The following SLAIN1 variants were observed in gnomAD, a reference collection of about 807,000 sequenced individuals.
SLAIN1 encodes SLAIN motif-containing protein 1.
A neutral mutation model predicts 55.4 loss-of-function variants in SLAIN1; 17 were observed. The ratio of observed to expected loss-of-function variants is 0.31; its 90% CI spans 0.21 to 0.46. The LOEUF is 0.46. Among genes scored for constraint, SLAIN1 ranks in the 20% least tolerant of loss-of-function variants. The probability of loss-of-function intolerance (pLI) is 1.00; values close to 1 mark genes in which losing one functional copy is unlikely to be tolerated. For missense variants in SLAIN1, 682 were observed against 785.1 expected (o/e 0.87, Z 1.57); for synonymous variants, 348 against 337.4 (o/e 1.03, Z -0.35).
chr13:77,750,065 G>A (rs983147140), intron 4 of SLAIN1, among the ~76,000 whole-genome samples: 1 of 152,076 alleles, frequency 6.6e-6, no homozygotes, highest in Non-Finnish European at 1.5e-5. Flanking sequence ...TTGTTAATTT[G>A]TTTACATGTG....
chr13:77,698,832 T>C lies in SLAIN1; in HGVS notation c.626+293T>C. On this transcript the variant is annotated intron_variant, in intron 1 of 6. Transcript: ENST00000418532. The surrounding 1 kb of genome is among the most constrained non-coding windows in gnomAD (Gnocchi z 4.1). ...ATTTGCTGATTGTTGGGTCCCAAGCTCCTCGTTAGCATTAAGTGCAAAATC... is the reference window on the plus strand; with the variant it reads ...ATTTGCTGATTGTTGGGTCCCAAGCCCCTCGTTAGCATTAAGTGCAAAATC... 6.8e-7 allele frequency: 1 copy of C among 1,470,376 alleles called. No homozygotes were observed. Among genetic ancestry groups the C allele is most frequent in the African/African-American group, 1.4e-5 (1 of 71,660 alleles). The allele number at this position is 1,470,376 out of a possible 1,614,324, so 91.1% of individuals were successfully genotyped here. A position where few individuals can be genotyped will look rare whatever the true frequency, so the allele number is the denominator to read the frequency against.
chr13:77,759,188 T>C (rs989572088), intron 5 of SLAIN1, among the ~76,000 whole-genome samples: 2 of 152,028 alleles, frequency 1.3e-5, no homozygotes, highest in Non-Finnish European at 2.9e-5. Flanking sequence ...TTATTTTTTA[T>C]AGATGTTGTA....
intron 1 of SLAIN1, among the ~76,000 whole-genome samples, chr13:77,699,449 A>AG (rs918116650): frequency 2.0e-5 from 3 of 152,150 alleles, no homozygotes; most frequent in African/African-American, 4.8e-5. Flanking sequence ...GAGTAACTTT[A>AG]GGGGGAGGCT....
At chr13:77,728,752 T>C (rs1388566897) in intron 2 of SLAIN1, among the ~76,000 whole-genome samples, 2 of 152,208 alleles carry the variant, frequency 1.3e-5, no homozygotes, top group Non-Finnish European at 2.9e-5. Flanking sequence ...CAGATTGAAC[T>C]GAGACATTAA....
intron 4 of SLAIN1, among the ~76,000 whole-genome samples, chr13:77,752,054 G>A (rs1326686266): frequency 6.6e-6 from 1 of 152,004 alleles, no homozygotes; most frequent in Admixed American, 6.6e-5. Flanking sequence ...CCTCTTGGTG[G>A]CAGAAGATGA....
chr13:77,719,009 A>G (rs181735449), intron 1 of SLAIN1, among the ~76,000 whole-genome samples: 4 of 152,262 alleles, frequency 2.6e-5, no homozygotes, highest in Non-Finnish European at 5.9e-5. Flanking sequence ...GTTAGTATAG[A>G]TTTGAGACAG....
intron 2 of SLAIN1, among the ~76,000 whole-genome samples, chr13:77,722,972 G>A (rs1364440998): frequency 6.6e-6 from 1 of 152,076 alleles, no homozygotes; most frequent in Non-Finnish European, 1.5e-5. Context: ...GGTCTTGAAT[G>A]CCTGATCTCA....
intron 1 of SLAIN1, among the ~76,000 whole-genome samples, chr13:77,705,580 CA>C (rs1173960005): frequency 1.3e-5 from 2 of 150,990 alleles, no homozygotes; most frequent in African/African-American, 4.9e-5. Flanking sequence ...ATTCTAATGA[CA>C]TTGAATAAAG....
intron 1 of SLAIN1, among the ~76,000 whole-genome samples, chr13:77,708,482 G>A (rs937975228): frequency 2.0e-5 from 3 of 152,196 alleles, no homozygotes; most frequent in Non-Finnish European, 1.5e-5. Context: ...TTCTCCAGCA[G>A]GGGTTGACAG....
At chr13:77,700,409 C>A (rs561711369) in intron 1 of SLAIN1, among the ~76,000 whole-genome samples, 110 of 152,218 alleles carry the variant, frequency 7.2e-4, no homozygotes, top group Middle Eastern at 6.8e-3. Flanking sequence ...TTTCTAGAGA[C>A]AAATGGCAGA....
chr13:77,761,848 TA>T (rs983785979), intron 6 of SLAIN1, among the ~76,000 whole-genome samples: 1 of 152,002 alleles, frequency 6.6e-6, no homozygotes, highest in African/African-American at 2.4e-5. Context: ...TAAAAATCCA[TA>T]AAAGTGGTTT....
At position 77,719,505 on chromosome 13, in the gene SLAIN1, C is replaced by G. The variant is rs752513499; in HGVS notation, c.627-27C>G. ...GTACTCTCTGTATACCTATATCATA[C>G]CTATAATGTAGATTTCTTTTTTTAA... On this transcript the variant is annotated intron_variant, in intron 1 of 6. Coordinates refer to ENST00000418532, the MANE Select transcript of SLAIN1 (RefSeq NM_001242868.2). 3 of 1,575,632 alleles carry G rather than the reference C, an allele frequency of 1.9e-6. No individual in the cohort carries two copies. The African/African-American group carries it at 4.1e-5, about 21-fold the overall frequency.
chr13:77,730,224 G>GA (rs1432953140), intron 2 of SLAIN1, among the ~76,000 whole-genome samples: 6 of 152,122 alleles, frequency 3.9e-5, no homozygotes, highest in Admixed American at 1.3e-4. Flanking sequence ...TAAAATGGTT[G>GA]AAAAACCTTT....
Position 77,698,965 on chromosome 13 carries a change from T to C in SLAIN1, c.626+426T>C. On this transcript the variant is annotated intron_variant, in intron 1 of 6. Coordinates refer to ENST00000418532, the MANE Select transcript of SLAIN1 (RefSeq NM_001242868.2). This position sits in a 1 kb window ranked among gnomAD's most constrained non-coding sequence, Gnocchi z 4.1. ...TCTGTCTGCGACTGTTACTGTTCTT[T>C]CGTTTTAAACGAACGCTGGACAGGA... is the stretch of plus-strand genomic sequence containing the variant. 1 of 1,534,432 alleles carries C rather than the reference T, an allele frequency of 6.5e-7. No individual in the cohort carries two copies. The highest frequency in any genetic ancestry group is 8.7e-7 in the Non-Finnish European group (1 of 1,146,778).
chr13:77,762,304 T>C (rs965411654), intron 6 of SLAIN1, among the ~76,000 whole-genome samples: 3 of 152,220 alleles, frequency 2.0e-5, no homozygotes, highest in African/African-American at 7.2e-5. Context: ...GTCTCCAAAC[T>C]AAACTCTTGG....
intron 1 of SLAIN1, among the ~76,000 whole-genome samples, chr13:77,700,393 C>T (rs1196737000): frequency 1.3e-5 from 2 of 152,106 alleles, no homozygotes; most frequent in Non-Finnish European, 2.9e-5. Flanking sequence ...TGATGCTTTA[C>T]AAATGTTTCT....
At chr13:77,751,649 G>A (rs1356280509) in intron 4 of SLAIN1, among the ~76,000 whole-genome samples, 2 of 152,224 alleles carry the variant, frequency 1.3e-5, no homozygotes, top group Non-Finnish European at 2.9e-5. Flanking sequence ...TGGTCGGGGA[G>A]CAGGCTGAGA....
chr13:77,737,689 A>C (rs1175180125), intron 2 of SLAIN1, among the ~76,000 whole-genome samples: 1 of 152,106 alleles, frequency 6.6e-6, no homozygotes, highest in Non-Finnish European at 1.5e-5. Context: ...TTCAAGGGCC[A>C]CATTAAACTT....
chr13:77,755,663 G>A (rs768917296), intron 5 of SLAIN1, among the ~76,000 whole-genome samples: 4 of 152,170 alleles, frequency 2.6e-5, no homozygotes, highest in Non-Finnish European at 5.9e-5. Context: ...AAATAAATAT[G>A]CATGGGTTCA....
Sources: allele counts gnomAD v4.1 joint callset (sites outside exome capture counted in the v4.1 genomes callset), GRCh38; gene constraint gnomAD v4.1.1; non-coding constraint Gnocchi (gnomAD v3.1); transcripts MANE v1.5; gene names NCBI Gene and HGNC (gene_info 2026-07-23, HGNC 2026-07-21).